FAM193A: variants seen among roughly 807,000 people sequenced by gnomAD.
FAM193A encodes family with sequence similarity 193 member A.
Under a neutral mutation model 126.5 loss-of-function variants are expected in FAM193A, and 22 were observed. That is an observed-to-expected ratio of 0.17 (90% CI 0.12 to 0.25). The LOEUF is 0.25. Ranked by LOEUF, FAM193A falls within the 10% of genes least tolerant of loss-of-function variation. The probability of loss-of-function intolerance (pLI) is 1.00; values close to 1 mark genes in which losing one functional copy is unlikely to be tolerated. For synonymous variants in FAM193A, 761 were observed against 646.8 expected (o/e 1.18, Z -2.68); for missense variants, 1,675 against 1,672.8 (o/e 1.00, Z -0.02).
intron 1 of FAM193A, among the ~76,000 whole-genome samples, chr4:2,549,969 T>C (rs1737809086): frequency 6.6e-6 from 1 of 151,180 alleles, no homozygotes; most frequent in South Asian, 2.1e-4. Context: ...CCTCGTGATC[T>C]GCCCTCCTTG....
chr4:2,642,235 G>A (rs113451401), intron 6 of FAM193A, among the ~76,000 whole-genome samples: 14 of 152,024 alleles, frequency 9.2e-5, no homozygotes, highest in African/African-American at 2.7e-4. Context: ...ACCTGGGAGC[G>A]GAGGTTGCAG....
intron 19 of FAM193A, among the ~76,000 whole-genome samples, chr4:2,711,635 G>A (rs1226125672): frequency 1.3e-5 from 2 of 151,058 alleles, no homozygotes; most frequent in Non-Finnish European, 3.0e-5. Context: ...CCACCACGCC[G>A]AGCCTCCATT....
At chr4:2,601,477 C>A (rs556982926) in intron 2 of FAM193A, among the ~76,000 whole-genome samples, 4 of 151,896 alleles carry the variant, frequency 2.6e-5, no homozygotes, top group African/African-American at 9.7e-5. Flanking sequence ...TCAGGTGATC[C>A]GCCCACCTCG....
chr4:2,620,182 A>G (rs774407855), intron 2 of FAM193A, among the ~76,000 whole-genome samples: 7 of 152,226 alleles, frequency 4.6e-5, no homozygotes, highest in East Asian at 1.9e-4. Context: ...GATGAGTGCT[A>G]TAATGGGACA....
At chr4:2,697,144 C>T (rs188532336) in intron 18 of FAM193A, among the ~76,000 whole-genome samples, 2 of 152,250 alleles carry the variant, frequency 1.3e-5, no homozygotes, top group South Asian at 2.1e-4. Context: ...AAGACATGAG[C>T]AGTTCCCTCC....
At chr4:2,680,311 G>A (rs1714957322) in intron 13 of FAM193A, among the ~76,000 whole-genome samples, 1 of 152,016 alleles carries the variant, frequency 6.6e-6, no homozygotes, top group Non-Finnish European at 1.5e-5. Context: ...TTGGTGTACA[G>A]TTGTTCGTAA....
intron 1 of FAM193A, among the ~76,000 whole-genome samples, chr4:2,590,863 T>TA (rs1158611118): frequency 6.6e-6 from 1 of 150,980 alleles, no homozygotes; most frequent in East Asian, 1.9e-4. Context: ...CCGTCTCTAC[T>TA]AAAAATACAA....
intron 18 of FAM193A, among the ~76,000 whole-genome samples, chr4:2,698,526 T>G (rs1017487922): frequency 2.0e-5 from 3 of 152,274 alleles, no homozygotes; most frequent in Non-Finnish European, 4.4e-5. Context: ...ATACCATTGT[T>G]AAATTTTTAT....
intron 1 of FAM193A, among the ~76,000 whole-genome samples, chr4:2,555,691 C>T (rs1738208514): frequency 6.6e-6 from 1 of 152,192 alleles, no homozygotes; most frequent in Non-Finnish European, 1.5e-5. Flanking sequence ...AATCTCGGCT[C>T]GCCGCAAGCT....
At position 2,631,143 on chromosome 4, in the gene FAM193A, T is replaced by G; in HGVS notation, c.1012T>G (p.Ser338Ala). The change falls in exon 5 of 21, where the codon TCC becomes GCC. Residue 338 changes from serine (S) to alanine (A), a missense_variant. This residue lies in a region of FAM193A where 1,186 missense variants were observed against 1,109.2 expected (regional missense o/e 1.07). Transcript: ENST00000637812. ...CGGCGCCCTCTGCCAGGCCGCACGCTCCATCAGCACCTTCCTTGGCACTCT... is the reference window on the plus strand; with the variant it reads ...CGGCGCCCTCTGCCAGGCCGCACGCGCCATCAGCACCTTCCTTGGCACTCT... ...EYGALCQAAR[S>A]ISTFLGTLEN... 3 of 1,612,498 alleles carry G rather than the reference T, an allele frequency of 1.9e-6. No homozygotes were observed. Among genetic ancestry groups the G allele is most frequent in the Non-Finnish European group, 2.5e-6 (3 of 1,179,308 alleles).
chr4:2,702,386 C>T (rs1717832508), intron 19 of FAM193A, among the ~76,000 whole-genome samples: 1 of 152,146 alleles, frequency 6.6e-6, no homozygotes, highest in African/African-American at 2.4e-5. Context: ...CATCTCGTGT[C>T]TTCTCTCTCC....
chr4:2,701,459 G>T (rs115336152), intron 19 of FAM193A, among the ~76,000 whole-genome samples: 3,533 of 152,152 alleles, frequency 0.023, 56 homozygotes, highest in Middle Eastern at 0.048. Context: ...TGGTCAGGGT[G>T]CATGCCCCAT....
At chr4:2,616,966 C>G (rs1490767632) in intron 2 of FAM193A, among the ~76,000 whole-genome samples, 3 of 146,044 alleles carry the variant, frequency 2.1e-5, no homozygotes, top group East Asian at 4.2e-4. Context: ...CTCAGGAGTT[C>G]GAGACCAGCT....
At chr4:2,627,804 G>T (rs1354717889) in intron 4 of FAM193A, among the ~76,000 whole-genome samples, 1 of 150,744 alleles carries the variant, frequency 6.6e-6, no homozygotes, top group African/African-American at 2.4e-5. Flanking sequence ...GTGCAGTGGC[G>T]CAATCTGGGC....
chr4:2,612,092 T>G (rs1741912338), intron 2 of FAM193A, among the ~76,000 whole-genome samples: 1 of 151,772 alleles, frequency 6.6e-6, no homozygotes, highest in Non-Finnish European at 1.5e-5. Context: ...TGTCTCGGCC[T>G]CCCAAAGTGC....
intron 1 of FAM193A, among the ~76,000 whole-genome samples, chr4:2,553,560 T>C (rs1738076627): frequency 2.6e-5 from 4 of 152,066 alleles, no homozygotes; most frequent in South Asian, 2.1e-4. Flanking sequence ...TTTGTATTTT[T>C]AGTAGAGATG....
intron 4 of FAM193A, among the ~76,000 whole-genome samples, 178 bp from the exon 5 acceptor site, chr4:2,630,757 G>A (rs902025647): frequency 2.6e-5 from 4 of 152,186 alleles, no homozygotes; most frequent in African/African-American, 7.2e-5. Flanking sequence ...TCTGTGCCCC[G>A]GATTCCCCAT....
chr4:2,619,749 G>T (rs145093209), intron 2 of FAM193A, among the ~76,000 whole-genome samples: 1 of 152,076 alleles, frequency 6.6e-6, no homozygotes, highest in Non-Finnish European at 1.5e-5. Flanking sequence ...GCAGTGGCAC[G>T]ATCTAGTCTC....
At chr4:2,558,187 G>A (rs868691472) in intron 1 of FAM193A, among the ~76,000 whole-genome samples, 2 of 151,558 alleles carry the variant, frequency 1.3e-5, no homozygotes, top group East Asian at 3.9e-4. Context: ...CAGGAGAATC[G>A]CTTGAACCGG....
Sources: allele counts gnomAD v4.1 joint callset (sites outside exome capture counted in the v4.1 genomes callset), GRCh38; gene constraint gnomAD v4.1.1; regional missense constraint gnomAD v4.1.1; transcripts MANE v1.5; gene names NCBI Gene and HGNC (gene_info 2026-07-23, HGNC 2026-07-21).